Variants in ATG2B observed in about 807,000 individuals in gnomAD.
ATG2B encodes autophagy related 2B.
In ATG2B, 121 loss-of-function variants were observed where a neutral mutation model predicts 241.3. The ratio of observed to expected loss-of-function variants is 0.50; its 90% CI spans 0.43 to 0.58. The LOEUF (loss-of-function observed/expected upper bound fraction) is 0.58. Ranked by LOEUF, ATG2B falls within the 20% of genes least tolerant of loss-of-function variation. The pLI is 0.00. For synonymous variants in ATG2B, 858 were observed against 876.6 expected, an observed-to-expected ratio of 0.98 and a Z score of 0.37; for missense variants, 2,306 against 2,491.6, an observed-to-expected ratio of 0.93 and a Z score of 1.59.
intron 34 of ATG2B, among the ~76,000 whole-genome samples, chr14:96,301,275 G>GT (rs1566716640): frequency 1.3e-5 from 2 of 150,226 alleles, no homozygotes; most frequent in Non-Finnish European, 2.9e-5. Flanking sequence ...CTAAGGCTTG[G>GT]AGATGTTCAG....
rs1343870211 is a variant in ATG2B, at chr14:96,315,417, T to C, written c.3528A>G (p.Lys1176=). The C allele has an allele frequency of 6.2e-7, 1 of 1,614,204 alleles. No homozygotes were observed. The highest frequency in any genetic ancestry group is 8.5e-7 in the Non-Finnish European group (1 of 1,180,010). ...TGGACTCTGATTTATCAGACAATATTTTAACGGCAACAGACAGCATATTCA... is the reference window on the plus strand; with the variant it reads ...TGGACTCTGATTTATCAGACAATATCTTAACGGCAACAGACAGCATATTCA... The part of the protein sequence containing the change: ...DSLNMLSVAV[K]ILSDKSESNT... The change falls in exon 22 of 42, where the codon AAA becomes AAG. Residue 1176 remains lysine (K), a synonymous_variant. Coordinates refer to ENST00000359933, the MANE Select transcript of ATG2B (RefSeq NM_018036.7).
chr14:96,340,101 A>ATAT (rs1491413324), intron 6 of ATG2B, among the ~76,000 whole-genome samples: 3 of 112,576 alleles, frequency 2.7e-5, no homozygotes, highest in South Asian at 2.5e-4. Flanking sequence ...TATGCTATAT[A>ATAT]GAATATATGA....
intron 1 of ATG2B, among the ~76,000 whole-genome samples, chr14:96,357,013 T>C (rs1435718698): frequency 1.3e-5 from 2 of 152,146 alleles, no homozygotes; most frequent in African/African-American, 4.8e-5. Context: ...CCCCTAGCCA[T>C]CAACCCCATT....
intron 11 of ATG2B, among the ~76,000 whole-genome samples, chr14:96,330,152 C>G (rs549821959): frequency 2.0e-5 from 3 of 150,988 alleles, no homozygotes; most frequent in South Asian, 4.2e-4. Flanking sequence ...GACTTCGAGA[C>G]CAGCCTGGCC....
chr14:96,324,404 G>A (rs1265654588), intron 15 of ATG2B, among the ~76,000 whole-genome samples: 1 of 152,032 alleles, frequency 6.6e-6, no homozygotes, highest in East Asian at 1.9e-4. Flanking sequence ...ATTCTACACG[G>A]GCTGGGCGCG....
chr14:96,289,402 C>A lies in ATG2B; in HGVS notation c.6006+254G>T. 1 of 372,788 alleles carries A rather than the reference C, an allele frequency of 2.7e-6. No individual in the cohort carries two copies. Among genetic ancestry groups the A allele is most frequent in the Non-Finnish European group, 4.9e-6 (1 of 203,390 alleles). 23.1% of individuals were successfully genotyped at this position (372,788 alleles called of 1,614,324 possible). Reference sequence around the variant, plus strand: ...CACACGGCATTTGTTTCTATCACTCCCTGAGTGCTTCTGCAGGTGAAGAGA... The same window carrying A: ...CACACGGCATTTGTTTCTATCACTCACTGAGTGCTTCTGCAGGTGAAGAGA... On this transcript the variant is annotated intron_variant, in intron 41 of 41. Transcript: ENST00000359933. The surrounding 1 kb of genome is among the most constrained non-coding windows in gnomAD (Gnocchi z 4.3).
intron 32 of ATG2B, among the ~76,000 whole-genome samples, 196 bp downstream of exon 32, chr14:96,304,299 A>T (rs965396859): frequency 6.6e-6 from 1 of 152,222 alleles, no homozygotes; most frequent in Non-Finnish European, 1.5e-5. Flanking sequence ...AGACAAACAA[A>T]AATAAAAGAA....
At position 96,297,894 on chromosome 14, in the gene ATG2B, C is replaced by A. The variant is rs576059722; in HGVS notation, c.5140-2334G>T. On this transcript the variant is annotated intron_variant, in intron 34 of 41. Transcript: ENST00000359933. ...GCAGCCTCCACCTCCTGAGTTCAAG[C>A]GATCCTCCCACCTCAGCCTCCTGAA... is the stretch of plus-strand genomic sequence containing the variant. 5.3e-5 allele frequency among the ~76,000 whole-genome samples: 8 copies of A among 152,206 alleles called. No individual in the cohort carries two copies. The South Asian group carries it at 1.7e-3, about 32-fold the overall frequency.
At chr14:96,305,359 G>A (rs1398481907) in intron 31 of ATG2B, among the ~76,000 whole-genome samples, 61 of 152,186 alleles carry the variant, frequency 4.0e-4, no homozygotes, top group Admixed American at 4.0e-3. Context: ...GAATGAAAAT[G>A]ATGAGAGTCA....
chr14:96,333,561 A>G, intron 8 of ATG2B, 127 bp downstream of exon 8: 1 of 836,428 alleles, frequency 1.2e-6, no homozygotes, highest in Non-Finnish European at 1.8e-6. Flanking sequence ...AAAGTTGTGG[A>G]TTTCTTACAA....
rs1886148714 is a variant in ATG2B, at chr14:96,279,750, A to G, written c.*6005T>C. 1.3e-5 allele frequency: 2 copies of G among 152,096 alleles called. No homozygotes were observed. The highest frequency in any genetic ancestry group is 6.5e-5 in the Admixed American group (1 of 15,272). The allele number at this position is 152,096 out of a possible 1,614,324, so 9.4% of individuals were successfully genotyped here. ...GGCTGTGCATGATTTTCCCCAGGAG[A>G]GCTCTTAGCCCAGTGATTTTTAACA... On this transcript the variant is annotated 3_prime_UTR_variant, in exon 42 of 42. Coordinates refer to ENST00000359933, the MANE Select transcript of ATG2B (RefSeq NM_018036.7).
chr14:96,317,385 A>G, intron 19 of ATG2B, 68 bp from the exon 20 acceptor site: 1 of 1,351,164 alleles, frequency 7.4e-7, no homozygotes, highest in Non-Finnish European at 1.0e-6. Context: ...AATGATCATG[A>G]AAATATTTTA....
Position 96,289,988 on chromosome 14 carries a change from A to T in ATG2B, c.5857-183T>A, listed in dbSNP as rs114552965. On this transcript the variant is annotated intron_variant, in intron 40 of 41. Coordinates refer to ENST00000359933, the MANE Select transcript of ATG2B (RefSeq NM_018036.7). The surrounding 1 kb of genome is among the most constrained non-coding windows in gnomAD (Gnocchi z 4.3). Reference sequence around the variant, plus strand: ...GATGACTTTTATAACGAGAACATAAAAGTATAAATTAATAACTAACACCTG... The same window carrying T: ...GATGACTTTTATAACGAGAACATAATAGTATAAATTAATAACTAACACCTG... 4,711 of 874,338 alleles carry T rather than the reference A, an allele frequency of 5.4e-3. 170 individuals are homozygous for T. The African/African-American group carries it at 0.071, about 13-fold the overall frequency. The allele number at this position is 874,338 out of a possible 1,614,324, so 54.2% of individuals were successfully genotyped here.
intron 6 of ATG2B, among the ~76,000 whole-genome samples, chr14:96,334,844 T>C (rs374132000): frequency 4.6e-5 from 7 of 152,334 alleles, no homozygotes; most frequent in Admixed American, 6.5e-5. Flanking sequence ...ACAGTATTCA[T>C]TGACTTTCAA....
chr14:96,358,125 T>C lies in ATG2B; in HGVS notation c.162+4690A>G, dbSNP rs548469481. Among the ~76,000 whole-genome samples, 7 of 152,250 alleles carry C rather than the reference T, an allele frequency of 4.6e-5. No homozygotes were observed. The East Asian group carries it at 1.2e-3, about 25-fold the overall frequency. The stretch of plus-strand genomic sequence containing the variant: ...AAACCTCTAAATACAAAAAGGTTTA[T>C]TACAGCAGTGAAGAGTAATATTAAA... On this transcript the variant is annotated intron_variant, in intron 1 of 41. Transcript: ENST00000359933.
intron 1 of ATG2B, among the ~76,000 whole-genome samples, chr14:96,350,437 G>A (rs879592420): frequency 1.3e-5 from 2 of 152,150 alleles, no homozygotes; most frequent in Non-Finnish European, 2.9e-5. Context: ...CTAACAAGAA[G>A]TCAAAGATTT....
At chr14:96,286,437 A>G (rs1886337706) in intron 41 of ATG2B, among the ~76,000 whole-genome samples, 1 of 152,210 alleles carries the variant, frequency 6.6e-6, no homozygotes, top group Non-Finnish European at 1.5e-5. Context: ...ATGTATTAGG[A>G]AAAAAATGGA....
In ATG2B at chr14:96,331,388, T is replaced by C. The variant is rs777571730; in HGVS notation, c.1718A>G (p.His573Arg). Reference sequence around the variant, plus strand: ...TGTGAGAGTTTACCTAAGGTGATCGTGTGAGCAAGCTTCTGCAAACACTGC... The same window carrying C: ...TGTGAGAGTTTACCTAAGGTGATCGCGTGAGCAAGCTTCTGCAAACACTGC... ...FRAVFAEACS[H>R]DHLRFIGTGI... is the part of the protein sequence containing the mutation. Residue 573 changes from histidine to arginine, a missense_variant, in exon 11 of 42, where the codon CAC becomes CGC. By Grantham distance (29) the His-to-Arg change is conservative (BLOSUM62 0). Coordinates refer to ENST00000359933, the MANE Select transcript of ATG2B (RefSeq NM_018036.7). 7 of 1,613,004 alleles carry C rather than the reference T, an allele frequency of 4.3e-6. No homozygotes were observed. The highest frequency in any genetic ancestry group is 5.1e-6 in the Non-Finnish European group (6 of 1,179,642).
intron 38 of ATG2B, 41 bp downstream of exon 38, chr14:96,291,559 T>C (rs1445781529): frequency 3.4e-6 from 5 of 1,454,492 alleles, no homozygotes; most frequent in Non-Finnish European, 4.8e-6. Flanking sequence ...ACACTAACTT[T>C]GATAACTTCA....
Sources: gnomAD v4.1 joint callset for allele counts (sites outside exome capture counted in the v4.1 genomes callset) on GRCh38, gnomAD v4.1.1 for gene constraint, Gnocchi (gnomAD v3.1) non-coding constraint, MANE v1.5 for transcripts, NCBI Gene and HGNC (gene_info 2026-07-23, HGNC 2026-07-21) for gene names.